WDR72: variants seen among roughly 807,000 people sequenced by gnomAD.
WDR72 encodes WD repeat-containing protein 72.
Under a neutral mutation model 124.2 loss-of-function variants are expected in WDR72, and 120 were observed. That is an observed-to-expected ratio of 0.97 (90% CI 0.83 to 1.12). The LOEUF (loss-of-function observed/expected upper bound fraction) is 1.12, where lower values mean the gene tolerates loss of function less well. WDR72 is among the 50% of genes most tolerant of loss of function. WDR72 has a pLI of 0.00. For synonymous variants in WDR72, 452 were observed against 441.7 expected (o/e 1.02, Z -0.29); for missense variants, 1,387 against 1,278.8 (o/e 1.08, Z -1.29).
chr15:53,704,136 C>T (rs1369011832), intron 11 of WDR72, among the ~76,000 whole-genome samples: 1 of 152,112 alleles, frequency 6.6e-6, no homozygotes, highest in Non-Finnish European at 1.5e-5. Context: ...CAGATATGCT[C>T]ACATATATGT....
At position 53,713,724 on chromosome 15, in the gene WDR72, C is replaced by T. The variant is rs184760389; in HGVS notation, c.591+710G>A. ...CCGCTCGCCTTAGCCTCCCAAAGTG[C>T]TGGGATTACAGGCGTGAGCCACTGT... On this transcript the variant is annotated intron_variant, in intron 6 of 19. Transcript: ENST00000360509. 5.4e-3 allele frequency among the ~76,000 whole-genome samples: 825 copies of T among 152,144 alleles called. 11 individuals carry two copies. The highest frequency in any genetic ancestry group is 0.019 in the African/African-American group (789 of 41,520).
intron 14 of WDR72, among the ~76,000 whole-genome samples, chr15:53,618,680 C>G (rs986680657): frequency 2.6e-5 from 4 of 151,976 alleles, no homozygotes; most frequent in African/African-American, 4.8e-5. Context: ...TCTTTTCTCT[C>G]TGCTGTTTGA....
chr15:53,701,559 T>TCTCTCACACA (rs369568228), intron 12 of WDR72, among the ~76,000 whole-genome samples: 23 of 120,164 alleles, frequency 1.9e-4, no homozygotes, highest in African/African-American at 6.7e-4. Flanking sequence ...TCTCTCTCTC[T>TCTCTCACACA]CACACACACA....
intron 18 of WDR72, among the ~76,000 whole-genome samples, chr15:53,593,667 T>C (rs980399736): frequency 1.5e-4 from 23 of 150,858 alleles, no homozygotes; most frequent in African/African-American, 5.6e-4. Context: ...GAGGCAGAGG[T>C]GGGAAGATCA....
intron 13 of WDR72, among the ~76,000 whole-genome samples, chr15:53,679,451 T>C (rs896020397): frequency 6.6e-6 from 1 of 151,934 alleles, no homozygotes; most frequent in Admixed American, 6.6e-5. Flanking sequence ...AAGAACAATA[T>C]ACAGAAAGCA....
At chr15:53,520,495 CTT>C in intron 19 of WDR72, among the ~76,000 whole-genome samples, 1 of 152,010 alleles carries the variant, frequency 6.6e-6, no homozygotes, top group Non-Finnish European at 1.5e-5. Flanking sequence ...TAAATGCACT[CTT>C]TTCCATACAG....
rs372324887 is a variant in WDR72, at chr15:53,609,518, C to G, written c.2947G>C (p.Val983Leu). 1.5e-4 allele frequency: 234 copies of G among 1,613,098 alleles called. No individual in the cohort carries two copies. Among genetic ancestry groups the G allele is most frequent in the Non-Finnish European group, 1.9e-4 (227 of 1,179,440 alleles). ...KLISCWRDQS[V>L]QVTEAIQAVL... ...GAATGTGAATTATATCATACCTGCACAGACTGGTCTCTCCAACAGGAAATT... is the reference window on the plus strand; with the variant it reads ...GAATGTGAATTATATCATACCTGCAGAGACTGGTCTCTCCAACAGGAAATT... Residue 983 changes from valine to leucine, a missense_variant, in exon 17 of 20, where the codon GTG becomes CTG. Physicochemically the swap from Val to Leu is conservative, Grantham distance 32. Coordinates refer to ENST00000360509, the MANE Select transcript of WDR72 (RefSeq NM_182758.4).
chr15:53,699,436 AC>A (rs1053129111), intron 13 of WDR72, among the ~76,000 whole-genome samples: 3 of 152,198 alleles, frequency 2.0e-5, no homozygotes, highest in African/African-American at 7.2e-5. Flanking sequence ...ATAATTTGAG[AC>A]CAGTAGGACA....
At chr15:53,637,786 T>C (rs1171179236) in intron 14 of WDR72, among the ~76,000 whole-genome samples, 1 of 152,180 alleles carries the variant, frequency 6.6e-6, no homozygotes, top group Admixed American at 6.5e-5. Flanking sequence ...TTCAACTCTT[T>C]AGCAATGACT....
chr15:53,749,404 G>A (rs1286174824), intron 1 of WDR72, among the ~76,000 whole-genome samples: 1 of 152,030 alleles, frequency 6.6e-6, no homozygotes, highest in Admixed American at 6.6e-5. Flanking sequence ...CATATAAGAT[G>A]GCAAACTTAA....
intron 17 of WDR72, among the ~76,000 whole-genome samples, chr15:53,606,891 T>A (rs955845666): frequency 6.6e-6 from 1 of 152,154 alleles, no homozygotes; most frequent in Non-Finnish European, 1.5e-5. Context: ...CATGCATATT[T>A]GCAGGCCATG....
intron 17 of WDR72, among the ~76,000 whole-genome samples, chr15:53,608,562 C>A (rs1332629415): frequency 6.6e-6 from 1 of 151,508 alleles, no homozygotes; most frequent in African/African-American, 2.4e-5. Flanking sequence ...TGAGACCAGC[C>A]TGGGCAACAT....
intron 18 of WDR72, among the ~76,000 whole-genome samples, chr15:53,561,113 A>G (rs1014375685): frequency 1.3e-5 from 2 of 151,808 alleles, no homozygotes; most frequent in Non-Finnish European, 2.9e-5. Flanking sequence ...CATTGTTCAG[A>G]ACACCTGGAA....
intron 18 of WDR72, among the ~76,000 whole-genome samples, chr15:53,559,477 T>C (rs1894054609): frequency 6.6e-6 from 1 of 152,028 alleles, no homozygotes; most frequent in East Asian, 1.9e-4. Context: ...TTCCTTGCCC[T>C]GTCATTGACC....
At chr15:53,757,230 G>T (rs573966973) in intron 1 of WDR72, among the ~76,000 whole-genome samples, 1 of 152,084 alleles carries the variant, frequency 6.6e-6, no homozygotes, top group African/African-American at 2.4e-5. Context: ...ATTCAGCCTA[G>T]AGAAGAACTG....
rs1566934005 is a variant in WDR72 at position 53,513,798 on chromosome 15, C to T, written c.*3901G>A. 2 of 151,938 alleles carry T rather than the reference C, an allele frequency of 1.3e-5. No homozygotes were observed. Among genetic ancestry groups the T allele is most frequent in the Non-Finnish European group, 1.5e-5 (1 of 67,998 alleles). The allele number at this position is 151,938 out of a possible 1,614,324, so 9.4% of individuals were successfully genotyped here. ...AAAAATTAAATTACTGCAAAAACTC[C>T]ACAACATCAACATTTTACATAAAGA... On this transcript the variant is annotated 3_prime_UTR_variant, in exon 20 of 20. Transcript: ENST00000360509.
chr15:53,710,869 C>T lies in WDR72; in HGVS notation c.942G>A (p.Val314=), dbSNP rs12905755. Residue 314 remains valine (V), a synonymous_variant, in exon 9 of 20, where the codon GTG becomes GTA. Coordinates refer to ENST00000360509, the MANE Select transcript of WDR72 (RefSeq NM_182758.4). ...IYPHLLCSTS[V]QENKEQSRPF... ...TTTCTTGCATTACCTTATTTTCCTG[C>T]ACAGAAGTAGAGCACAGTAAATGAG... 2 of 1,612,520 alleles carry T rather than the reference C, an allele frequency of 1.2e-6. No homozygotes were observed. Among genetic ancestry groups the T allele is most frequent in the Non-Finnish European group, 1.7e-6 (2 of 1,178,762 alleles).
rs559199057 is a variant in WDR72 at position 53,717,782 on chromosome 15, A to ACCTCAGTACCTTGTGAG, written c.261-1098_261-1097insCTCACAAGGTACTGAGG. Among the ~76,000 whole-genome samples the ACCTCAGTACCTTGTGAG allele has an allele frequency of 8.5e-5, 13 of 152,250 alleles. No homozygotes were observed. In the South Asian group the frequency reaches 2.5e-3, roughly 29 times the overall value. The stretch of plus-strand genomic sequence containing the variant: ...CCATTAGTACTGAGGTTGAGAAATA[A>ACCTCAGTACCTTGTGAG]TATTCTAGAAATACACACAAAATAT... On this transcript the variant is annotated intron_variant, in intron 3 of 19. Coordinates refer to ENST00000360509, the MANE Select transcript of WDR72 (RefSeq NM_182758.4).
chr15:53,601,893 T>C (rs936208391), intron 17 of WDR72, among the ~76,000 whole-genome samples: 4 of 152,126 alleles, frequency 2.6e-5, no homozygotes, highest in African/African-American at 9.7e-5. Flanking sequence ...ACAACAATCA[T>C]GGGAGACTTT....
Sources: gnomAD v4.1 joint callset for allele counts (sites outside exome capture counted in the v4.1 genomes callset) on GRCh38, gnomAD v4.1.1 for gene constraint, MANE v1.5 for transcripts, NCBI Gene and HGNC (gene_info 2026-07-23, HGNC 2026-07-21) for gene names.